The following RIF1 variants were observed in gnomAD, a reference collection of about 807,000 sequenced individuals.
RIF1 encodes telomere-associated protein RIF1.
A neutral mutation model predicts 247.1 loss-of-function variants in RIF1; 45 were observed. That is an observed-to-expected ratio of 0.18 (90% confidence interval 0.14 to 0.23). RIF1 has a LOEUF of 0.23. Among genes scored for constraint, RIF1 ranks in the 10% least tolerant of loss-of-function variants. The pLI, the probability that RIF1 is intolerant of heterozygous loss-of-function variation, is 1.00. For synonymous variants in RIF1, 1,087 were observed against 978.8 expected, an observed-to-expected ratio of 1.11 and a Z score of -2.06; for missense variants, 2,967 against 2,862.5, an observed-to-expected ratio of 1.04 and a Z score of -0.83.
downstream of RIF1, chr2:151,485,774 C>T (rs117861109): frequency 1.5e-4 from 242 of 1,610,634 alleles, 1 homozygote; most frequent in East Asian, 4.2e-3. Context: ...ATAGCTTCAA[C>T]GTAGTTGGCT....
At chr2:151,415,331 G>C (rs1270082526) in intron 4 of RIF1, among the ~76,000 whole-genome samples, 1 of 143,106 alleles carries the variant, frequency 7.0e-6, no homozygotes, top group Non-Finnish European at 1.5e-5. Context: ...TGGGTGATAA[G>C]TGAGACCCCA....
the RIF1 span, chr2:151,531,156 C>G: frequency 1.7e-6 from 2 of 1,183,768 alleles, no homozygotes; most frequent in South Asian, 1.3e-5. Flanking sequence ...TGTATAATAT[C>G]AAAATATAAA....
the RIF1 span, among the ~76,000 whole-genome samples, chr2:151,516,157 T>C: frequency 2.0e-5 from 3 of 152,178 alleles, no homozygotes; most frequent in Non-Finnish European, 4.4e-5. Flanking sequence ...GAACTTTTCA[T>C]TCATAAAGGA....
intron 19 of RIF1, 63 bp from the exon 20 acceptor site, chr2:151,446,363 T>C: frequency 7.2e-7 from 1 of 1,397,412 alleles, no homozygotes; most frequent in Non-Finnish European, 1.0e-6. Context: ...GATGTATTGA[T>C]TCTATAAACT....
Position 151,457,857 on chromosome 2 carries a change from T to A in RIF1, c.2749T>A (p.Cys917Ser), listed in dbSNP as rs1220934060. ...ELLEQLSPLL[C>S]IIFLHKNKQI... The stretch of plus-strand genomic sequence containing the variant: ...TCTTGAACAACTCTCCCCACTATTA[T>A]GCATAATATTTCTGCACAAGAATAA... The change falls in exon 24 of 36, where the codon TGC (cysteine) becomes AGC (serine). Residue 917 changes from cysteine (C) to serine (S), a missense_variant. Cys to Ser is a moderately radical substitution (Grantham distance 112, BLOSUM62 -1). Transcript: ENST00000444746. The A allele has an allele frequency of 1.2e-6, 2 of 1,613,842 alleles. No individual in the cohort carries two copies. The highest frequency in any genetic ancestry group is 1.7e-6 in the Non-Finnish European group (2 of 1,179,788).
At chr2:151,424,520 T>G (rs1688674993) in intron 8 of RIF1, among the ~76,000 whole-genome samples, 1 of 152,232 alleles carries the variant, frequency 6.6e-6, no homozygotes, top group Non-Finnish European at 1.5e-5. Flanking sequence ...TTTAGGTTGT[T>G]TCTACCTTTT....
chr2:151,530,954 G>T, the RIF1 span: 1 of 1,345,148 alleles, frequency 7.4e-7, no homozygotes, highest in Non-Finnish European at 1.1e-6. Flanking sequence ...TTAGAAGGAG[G>T]CCAAGATGAG....
chr2:151,505,502 C>T (rs1314056471), intron 12 of RIF1: 1 of 1,613,742 alleles, frequency 6.2e-7, no homozygotes, highest in South Asian at 1.1e-5. Context: ...TCTGCGTCTC[C>T]TTCACACGTT....
chr2:151,468,605 G>A (rs371630578), intron 32 of RIF1, 36 bp from the exon 33 acceptor site: 5 of 1,602,878 alleles, frequency 3.1e-6, no homozygotes, highest in Non-Finnish European at 4.3e-6. Context: ...TCAGTCAGTT[G>A]ACCTCTGTGT....
chr2:151,496,865 TTAA>T, intron 10 of RIF1: 1 of 1,411,286 alleles, frequency 7.1e-7, no homozygotes, highest in Non-Finnish European at 9.7e-7. Flanking sequence ...GAAAATAGGA[TTAA>T]TATGTATTAT....
chr2:151,500,716 GC>G (rs2063825687), intron 11 of RIF1, among the ~76,000 whole-genome samples: 1 of 148,992 alleles, frequency 6.7e-6, no homozygotes, highest in Non-Finnish European at 1.5e-5. Context: ...TCCCACCTCA[GC>G]CTCCCAAGTA....
intron 20 of RIF1, among the ~76,000 whole-genome samples, chr2:151,451,141 G>A (rs896442561): frequency 1.2e-4 from 18 of 152,172 alleles, no homozygotes; most frequent in Admixed American, 1.0e-3. Context: ...TCATAACAAT[G>A]TGTCAGTCAA....
chr2:151,499,172 A>ATTAAG, intron 10 of RIF1: 3 of 527,366 alleles, frequency 5.7e-6, no homozygotes, highest in Non-Finnish European at 6.7e-6. Flanking sequence ...AAATGGCAGC[A>ATTAAG]TTAAGTTGGG....
the RIF1 span, among the ~76,000 whole-genome samples, chr2:151,526,669 T>G: frequency 6.6e-6 from 1 of 152,322 alleles, no homozygotes; most frequent in African/African-American, 2.4e-5. Flanking sequence ...GGGTCCTAAT[T>G]CCTGCTGTGT....
In RIF1 at chr2:151,468,389, A is replaced by T. The variant is rs894388188; in HGVS notation, c.6748-85A>T. 2.4e-5 allele frequency: 27 copies of T among 1,127,890 alleles called. No individual in the cohort carries two copies. The Admixed American group carries it at 4.0e-4, about 17-fold the overall frequency. The allele number at this position is 1,127,890 out of a possible 1,614,324, so 69.9% of individuals were successfully genotyped here. On this transcript the variant is annotated intron_variant, in intron 31 of 35. Transcript: ENST00000444746. ...TTATGTTTTTTGAACTTTTAAAGAA[A>T]TGATTGCAGTCTAAGTTGTAAAAAT...
At chr2:151,532,440 G>A in the RIF1 span, among the ~76,000 whole-genome samples, 1 of 152,100 alleles carries the variant, frequency 6.6e-6, no homozygotes, top group African/African-American at 2.4e-5. Context: ...AATAAAGAAT[G>A]AGTATATATG....
chr2:151,464,015 A>T lies in RIF1; in HGVS notation c.4495A>T (p.Thr1499Ser). ...TGGGGAAACTAGTGCTAATGCAGAA[A>T]CTGAACAAAATAAAAAAAAGGCAGA... ...TLGETSANAE[T>S]EQNKKKADPE... The change falls in exon 30 of 36, where the codon ACT (threonine) becomes TCT (serine). Residue 1499 changes from threonine (T) to serine (S), a missense_variant. Physicochemically the swap from Thr to Ser is moderately conservative, Grantham distance 58. This residue lies in a region of RIF1 where 2,028 missense variants were observed against 1,825.6 expected (regional missense o/e 1.11). Coordinates refer to ENST00000444746, the MANE Select transcript of RIF1 (RefSeq NM_018151.5). 1 of 1,609,792 alleles carries T rather than the reference A, an allele frequency of 6.2e-7. No homozygotes were observed. The highest frequency in any genetic ancestry group is 8.5e-7 in the Non-Finnish European group (1 of 1,179,058).
In RIF1 at chr2:151,491,522, A is replaced by C; in HGVS notation, c.*416-3707A>C. The C allele has an allele frequency of 1.0e-5, 6 of 593,080 alleles. No homozygotes were observed. The South Asian group carries it at 1.3e-4, about 13-fold the overall frequency. The allele number at this position is 593,080 out of a possible 1,614,324, so 36.7% of individuals were successfully genotyped here. A position where few individuals can be genotyped will look rare whatever the true frequency, so the allele number is the denominator to read the frequency against. On this transcript the variant is annotated intron_variant and NMD_transcript_variant, in intron 9 of 13. Transcript: ENST00000454583. Reference sequence around the variant, plus strand: ...TCTAACTTGAACTTATCTAGAAAGTAAGTTTTGCTCACTAGTTAACAAGGT... The same window carrying C: ...TCTAACTTGAACTTATCTAGAAAGTCAGTTTTGCTCACTAGTTAACAAGGT...
chr2:151,450,652 C>T (rs1028997562), intron 20 of RIF1, among the ~76,000 whole-genome samples: 9 of 151,960 alleles, frequency 5.9e-5, no homozygotes, highest in East Asian at 1.9e-4. Context: ...GGTGTGAACT[C>T]GGCTCACTGC....
Sources: gnomAD v4.1 joint callset for allele counts (sites outside exome capture counted in the v4.1 genomes callset) on GRCh38, gnomAD v4.1.1 for gene constraint, gnomAD v4.1.1 regional missense constraint, MANE v1.5 for transcripts, NCBI Gene and HGNC (gene_info 2026-07-23, HGNC 2026-07-21) for gene names.